Variants in TENM2 observed in about 807,000 individuals in gnomAD.
The protein encoded by TENM2 is teneurin transmembrane protein 2.
TENM2 carries 52 observed loss-of-function variants against 245.2 expected under a neutral mutation model. The observed-to-expected ratio is 0.21, with a 90% CI of 0.17 to 0.27. The LOEUF is 0.27. Ranked by LOEUF, TENM2 falls within the 10% of genes least tolerant of loss-of-function variation. The pLI, the probability that TENM2 is intolerant of heterozygous loss-of-function variation, is 1.00. For synonymous variants in TENM2, 1,363 were observed against 1,438.9 expected (o/e 0.95, Z 1.19); for missense variants, 3,046 against 3,666.8 (o/e 0.83, Z 4.37).
chr5:168,081,535 T>G (rs756479962), intron 7 of TENM2, among the ~76,000 whole-genome samples: 1 of 152,240 alleles, frequency 6.6e-6, no homozygotes, highest in Non-Finnish European at 1.5e-5. Flanking sequence ...TCGATGGTGT[T>G]TACAATTTGG....
chr5:167,659,705 C>G (rs1410989277), intron 2 of TENM2, among the ~76,000 whole-genome samples: 3 of 152,112 alleles, frequency 2.0e-5, no homozygotes, highest in Admixed American at 6.6e-5. Flanking sequence ...TTCTGCTCCT[C>G]TAAGCTATTT....
intron 25 of TENM2, among the ~76,000 whole-genome samples, chr5:168,235,324 AG>A (rs1178125779): frequency 4.6e-5 from 7 of 152,238 alleles, no homozygotes; most frequent in Non-Finnish European, 1.0e-4. Context: ...ATTTAATATT[AG>A]TTTAAATAAC....
rs1051965482 is a variant in TENM2 at position 168,095,165 on chromosome 5, C to T, written c.1712-2861C>T. ...GTAAATGTGTGTGCTTGAATCATTC[C>T]GAAACCATCCCCAAGCCCCAGTCTG... On this transcript the variant is annotated intron_variant, in intron 8 of 28. Transcript: ENST00000518659. 3.3e-5 allele frequency among the ~76,000 whole-genome samples: 5 copies of T among 151,992 alleles called. No homozygotes were observed. In the East Asian group the frequency reaches 5.8e-4, roughly 18 times the overall value.
At chr5:167,771,254 T>G (rs1380949129) in intron 2 of TENM2, among the ~76,000 whole-genome samples, 1 of 152,186 alleles carries the variant, frequency 6.6e-6, no homozygotes, top group Non-Finnish European at 1.5e-5. Context: ...AGAAAGATAC[T>G]TAGTGGATCC....
At chr5:167,088,443 A>G in the TENM2 span, among the ~76,000 whole-genome samples, 4 of 152,020 alleles carry the variant, frequency 2.6e-5, no homozygotes, top group Non-Finnish European at 4.4e-5. Context: ...TCTGGCCAAC[A>G]TGGTGAAACC....
At chr5:167,321,645 A>G (rs1293596577) in intron 1 of TENM2, among the ~76,000 whole-genome samples, 1 of 152,112 alleles carries the variant, frequency 6.6e-6, no homozygotes, top group African/African-American at 2.4e-5. Context: ...GGCAGCCAAA[A>G]TATCCATCCA....
At chr5:167,655,919 G>A (rs1024116286) in intron 2 of TENM2, among the ~76,000 whole-genome samples, 3 of 152,160 alleles carry the variant, frequency 2.0e-5, no homozygotes, top group African/African-American at 7.2e-5. Context: ...GCAGTTGTCT[G>A]TGCTCAGAAC....
the TENM2 span, among the ~76,000 whole-genome samples, chr5:167,204,477 G>A: frequency 6.6e-6 from 1 of 152,144 alleles, no homozygotes; most frequent in African/African-American, 2.4e-5. Flanking sequence ...GAGCAGGTAC[G>A]AGAAAATTCT....
At chr5:166,991,079 T>C in the TENM2 span, among the ~76,000 whole-genome samples, 13 of 152,080 alleles carry the variant, frequency 8.5e-5, no homozygotes, top group African/African-American at 3.1e-4. Flanking sequence ...CTAGAATGCC[T>C]GAGGCCTGCT....
At chr5:167,615,292 A>T (rs1041186399) in intron 2 of TENM2, among the ~76,000 whole-genome samples, 2 of 152,104 alleles carry the variant, frequency 1.3e-5, no homozygotes, top group African/African-American at 2.4e-5. Context: ...GGTGGGCAGT[A>T]AATATTACCC....
At chr5:167,262,521 C>T in the TENM2 span, among the ~76,000 whole-genome samples, 1 of 151,968 alleles carries the variant, frequency 6.6e-6, no homozygotes, top group South Asian at 2.1e-4. Flanking sequence ...ATTGCTCCTT[C>T]TTTTCCATTC....
chr5:167,233,621 A>G, the TENM2 span, among the ~76,000 whole-genome samples: 1 of 152,204 alleles, frequency 6.6e-6, no homozygotes, highest in Admixed American at 6.5e-5. Flanking sequence ...TTTCCATTAT[A>G]AAAATAAGAA....
At chr5:167,105,582 A>G in the TENM2 span, among the ~76,000 whole-genome samples, 1 of 152,168 alleles carries the variant, frequency 6.6e-6, no homozygotes, top group African/African-American at 2.4e-5. Flanking sequence ...GGTTAGGATA[A>G]CATATGATTT....
At chr5:167,342,663 G>T (rs1348561224) in intron 1 of TENM2, among the ~76,000 whole-genome samples, 3 of 151,454 alleles carry the variant, frequency 2.0e-5, no homozygotes, top group South Asian at 2.1e-4. Flanking sequence ...CAGTAGCTGG[G>T]ACTACAGGCG....
At chr5:167,639,658 G>T (rs1469937034) in intron 2 of TENM2, among the ~76,000 whole-genome samples, 1 of 151,870 alleles carries the variant, frequency 6.6e-6, no homozygotes, top group Non-Finnish European at 1.5e-5. Context: ...ACTTCATCAG[G>T]GAAAACCTTG....
chr5:167,276,620 G>T, the TENM2 span, among the ~76,000 whole-genome samples: 3 of 151,870 alleles, frequency 2.0e-5, no homozygotes, highest in African/African-American at 7.2e-5. Flanking sequence ...CCGGGATGTC[G>T]CACAGATACT....
chr5:167,842,026 C>T (rs1014203878), intron 2 of TENM2, among the ~76,000 whole-genome samples: 5 of 151,964 alleles, frequency 3.3e-5, no homozygotes, highest in South Asian at 2.1e-4. Context: ...CCAAAAGAAC[C>T]GTGAATTCTT....
At chr5:167,444,828 A>G (rs1765068994) in intron 2 of TENM2, among the ~76,000 whole-genome samples, 1 of 152,150 alleles carries the variant, frequency 6.6e-6, no homozygotes, top group African/African-American at 2.4e-5. Context: ...AGATTATTAT[A>G]CTGAAAATAC....
At chr5:168,203,899 C>A (rs1762136863) in intron 18 of TENM2, 67 bp downstream of exon 20, 1 of 1,480,218 alleles carries the variant, frequency 6.8e-7, no homozygotes, top group Non-Finnish European at 9.2e-7. Flanking sequence ...TCTCTAGCCT[C>A]AGCATTTAAG....
Sources: gnomAD v4.1 joint callset for allele counts (sites outside exome capture counted in the v4.1 genomes callset) on GRCh38, gnomAD v4.1.1 for gene constraint, MANE v1.5 for transcripts, NCBI Gene and HGNC (gene_info 2026-07-23, HGNC 2026-07-21) for gene names.